Variants in EZH2 observed in about 807,000 individuals in gnomAD.
EZH2 encodes the protein enhancer of zeste 2 polycomb repressive complex 2 subunit, also known as histone-lysine N-methyltransferase EZH2.
In EZH2, 18 loss-of-function variants were observed where a neutral mutation model predicts 98.4. The ratio of observed to expected loss-of-function variants is 0.18; its 90% CI spans 0.13 to 0.27. EZH2 has a LOEUF of 0.27. Ranked by LOEUF, EZH2 falls within the 10% of genes least tolerant of loss-of-function variation. EZH2 has a pLI of 1.00. For synonymous variants in EZH2, 338 were observed against 312.3 expected (o/e 1.08, Z -0.87); for missense variants, 470 against 935.1 (o/e 0.50, Z 6.49).
chr7:148,863,991 G>A (rs1299443213), intron 1 of EZH2, among the ~76,000 whole-genome samples: 2 of 152,198 alleles, frequency 1.3e-5, no homozygotes, highest in East Asian at 3.8e-4. Flanking sequence ...TCTCATGATA[G>A]GGGAAAATAA....
intron 17 of EZH2, 120 bp downstream of exon 17, chr7:148,810,213 C>T: frequency 3.0e-6 from 2 of 664,920 alleles, no homozygotes; most frequent in Admixed American, 4.4e-5. Flanking sequence ...CCCCATGCCT[C>T]TAAGGAGATC....
In EZH2 at chr7:148,826,599, G is replaced by A. The variant is rs779784950; in HGVS notation, c.762C>T (p.Gly254=). ...TGGGGGTACATTCAGGAGGAAGTGC[G>A]CCTGGGAGCTGCTGTTCGGTGAGTT... The part of the protein sequence containing the change: ...YKELTEQQLP[G]ALPPECTPNI... Residue 254 remains glycine, a synonymous_variant, in exon 8 of 20, where the codon GGC becomes GGT. Transcript: ENST00000320356. 4.5e-6 allele frequency: 7 copies of A among 1,555,616 alleles called. No homozygotes were observed. The highest frequency in any genetic ancestry group is 5.2e-6 in the Non-Finnish European group (6 of 1,147,764).
chr7:148,815,125 A>G (rs1804205000), intron 13 of EZH2, 86 bp from the exon 14 acceptor site: 18 of 1,499,994 alleles, frequency 1.2e-5, no homozygotes, highest in Non-Finnish European at 1.6e-5. Context: ...ATTCTTCCCT[A>G]CTACCTGTGG....
At chr7:148,863,489 C>T (rs1266708559) in intron 1 of EZH2, among the ~76,000 whole-genome samples, 3 of 152,132 alleles carry the variant, frequency 2.0e-5, no homozygotes, top group Admixed American at 6.6e-5. Flanking sequence ...TCTTCTCCTT[C>T]ACCACTGTAA....
intron 3 of EZH2, among the ~76,000 whole-genome samples, chr7:148,841,557 T>A (rs926887286): frequency 6.6e-6 from 1 of 152,218 alleles, no homozygotes; most frequent in African/African-American, 2.4e-5. Flanking sequence ...TGACCAGCTT[T>A]CTGCCATATT....
At chr7:148,874,383 G>A (rs368606131) in intron 1 of EZH2, among the ~76,000 whole-genome samples, 9 of 151,560 alleles carry the variant, frequency 5.9e-5, no homozygotes, top group South Asian at 2.1e-4. Context: ...GCAAAACCCC[G>A]TCTCAAATAA....
chr7:148,829,064 T>G (rs1403459366), intron 5 of EZH2, among the ~76,000 whole-genome samples, 184 bp from the exon 6 acceptor site: 1 of 152,120 alleles, frequency 6.6e-6, no homozygotes, highest in East Asian at 1.9e-4. Context: ...GGAAGCAAAC[T>G]TATCTTTAAT....
intron 8 of EZH2, among the ~76,000 whole-genome samples, chr7:148,823,064 A>T (rs1466763459): frequency 1.3e-5 from 2 of 152,252 alleles, no homozygotes; most frequent in Non-Finnish European, 2.9e-5. Context: ...GGAAGCAGAG[A>T]TTAAAAAACA....
In EZH2 at chr7:148,872,975, A is replaced by T. The variant is rs114586438; in HGVS notation, c.-8+11189T>A. On this transcript the variant is annotated intron_variant, in intron 1 of 19. Coordinates refer to ENST00000320356, the MANE Select transcript of EZH2 (RefSeq NM_004456.5). The stretch of plus-strand genomic sequence containing the variant: ...CCCAGCTTTGGGAGGACAAGGTGGC[A>T]GGCCACCCTGGGCAACATATAAGAC... Among the ~76,000 whole-genome samples the T allele has an allele frequency of 9.3e-3, 1,415 of 152,272 alleles. 19 individuals carry two copies. The highest frequency in any genetic ancestry group is 0.032 in the African/African-American group (1,337 of 41,552).
intron 17 of EZH2, chr7:148,810,087 T>A (rs372879034): frequency 4.4e-5 from 17 of 386,700 alleles, no homozygotes; most frequent in African/African-American, 3.1e-4. Context: ...CACAGCCAGA[T>A]GCTGGGATAG....
chr7:148,836,963 G>A (rs775614848), intron 3 of EZH2: 5 of 506,010 alleles, frequency 9.9e-6, no homozygotes, highest in South Asian at 6.2e-5. Flanking sequence ...TAAAAACTGT[G>A]TTATGGAAAA....
At chr7:148,829,907 A>T (rs1398279971) in intron 4 of EZH2, 59 bp from the exon 5 acceptor site, 1 of 1,302,120 alleles carries the variant, frequency 7.7e-7, no homozygotes, top group South Asian at 1.4e-5. Context: ...ATGTGAAATA[A>T]CTAAAATACA....
At chr7:148,864,896 G>C (rs958755656) in intron 1 of EZH2, among the ~76,000 whole-genome samples, 2 of 152,072 alleles carry the variant, frequency 1.3e-5, no homozygotes, top group Non-Finnish European at 2.9e-5. Flanking sequence ...GGAGGCCAAG[G>C]CGGGCGAATC....
intron 5 of EZH2, 96 bp downstream of exon 5, chr7:148,829,632 A>T: frequency 7.4e-7 from 1 of 1,352,064 alleles, no homozygotes; most frequent in Non-Finnish European, 1.0e-6. Flanking sequence ...CTTAATTTTA[A>T]TATTAAAATT....
At chr7:148,841,459 A>C (rs1224155962) in intron 3 of EZH2, among the ~76,000 whole-genome samples, 1 of 152,212 alleles carries the variant, frequency 6.6e-6, no homozygotes, top group African/African-American at 2.4e-5. Flanking sequence ...CACTTCCTTG[A>C]GGCAATAAGA....
chr7:148,818,463 CTA>C (rs1378682206), intron 9 of EZH2, among the ~76,000 whole-genome samples: 1 of 152,098 alleles, frequency 6.6e-6, no homozygotes, highest in African/African-American at 2.4e-5. Context: ...GTAATTATCT[CTA>C]TGGACATACA....
At chr7:148,831,823 A>AT (rs1471724381) in intron 4 of EZH2, among the ~76,000 whole-genome samples, 1 of 152,170 alleles carries the variant, frequency 6.6e-6, no homozygotes, top group African/African-American at 2.4e-5. Context: ...ACAACTATAT[A>AT]TTTTTTATTT....
chr7:148,817,951 G>C lies in EZH2; in HGVS notation c.1166C>G (p.Ala389Gly). ...ESKDTDSDRE[A>G]GTETGGENND... ...GTTCTCTCCCCCCGTTTCAGTCCCT[G>C]CTTCCCTATCACTGTCTGTATCCTT... is the stretch of plus-strand genomic sequence containing the variant. The change falls in exon 10 of 20, where the codon GCA (alanine) becomes GGA (glycine). Residue 389 changes from alanine to glycine, a missense_variant. Around this residue, in one of 6 missense-constraint regions of EZH2, gnomAD observed 192 missense variants for 306.8 expected, o/e 0.63. Coordinates refer to ENST00000320356, the MANE Select transcript of EZH2 (RefSeq NM_004456.5). The C allele has an allele frequency of 6.2e-7, 1 of 1,614,036 alleles. No homozygotes were observed. The highest frequency in any genetic ancestry group is 8.5e-7 in the Non-Finnish European group (1 of 1,180,004).
At position 148,819,262 on chromosome 7, in the gene EZH2, G is replaced by A. The variant is rs547817997; in HGVS notation, c.999+334C>T. On this transcript the variant is annotated intron_variant, in intron 9 of 19. Coordinates refer to ENST00000320356, the MANE Select transcript of EZH2 (RefSeq NM_004456.5). ...ATGAGAGGGGCTTGGGATCTACTGCGTATGATTACTGCATGCCTGCTTTCT... is the reference window on the plus strand; with the variant it reads ...ATGAGAGGGGCTTGGGATCTACTGCATATGATTACTGCATGCCTGCTTTCT... Among the ~76,000 whole-genome samples the A allele has an allele frequency of 3.9e-5, 6 of 152,238 alleles. No homozygotes were observed. The East Asian group carries it at 7.7e-4, about 20-fold the overall frequency.
Sources: allele counts gnomAD v4.1 joint callset (sites outside exome capture counted in the v4.1 genomes callset), GRCh38; gene constraint gnomAD v4.1.1; regional missense constraint gnomAD v4.1.1; transcripts MANE v1.5; gene names NCBI Gene and HGNC (gene_info 2026-07-23, HGNC 2026-07-21).